Variants in SLC9A8 observed in about 807,000 individuals in gnomAD.
SLC9A8 encodes solute carrier family 9 member A8, also known as sodium/hydrogen exchanger 8.
In SLC9A8, 48 loss-of-function variants were observed where a neutral mutation model predicts 66.6. That is an observed-to-expected ratio of 0.72 (90% confidence interval 0.57 to 0.92). SLC9A8 has a LOEUF of 0.92. SLC9A8 is among the 40% of genes least tolerant of loss of function. The probability of loss-of-function intolerance (pLI) is 0.00; values close to 1 mark genes in which losing one functional copy is unlikely to be tolerated. For synonymous variants in SLC9A8, 274 were observed against 282.6 expected, an observed-to-expected ratio of 0.97 and a Z score of 0.31; for missense variants, 599 against 747.3, an observed-to-expected ratio of 0.80 and a Z score of 2.31.
chr20:49,887,963 C>A lies in SLC9A8; in HGVS notation c.*27C>A, dbSNP rs372030066. On this transcript the variant is annotated 3_prime_UTR_variant, in exon 16 of 16. Coordinates refer to ENST00000361573, the MANE Select transcript of SLC9A8 (RefSeq NM_015266.3). ...GCCAGGTGCCAAGGCTTCAGGCAGGCAGGCCCAGGATGGGCGTTTGCTGCG... is the reference window on the plus strand; with the variant it reads ...GCCAGGTGCCAAGGCTTCAGGCAGGAAGGCCCAGGATGGGCGTTTGCTGCG... 5 of 1,580,756 alleles carry A rather than the reference C, an allele frequency of 3.2e-6. No individual in the cohort carries two copies. The highest frequency in any genetic ancestry group is 4.3e-6 in the Non-Finnish European group (5 of 1,150,592).
chr20:49,833,197 C>A (rs570809521), intron 3 of SLC9A8, among the ~76,000 whole-genome samples: 2 of 152,320 alleles, frequency 1.3e-5, no homozygotes, highest in East Asian at 3.9e-4. Context: ...AGCCGCCATG[C>A]CTAGCGTGTC....
intron 8 of SLC9A8, among the ~76,000 whole-genome samples, chr20:49,860,917 A>C (rs527892): frequency 0.33 from 49,688 of 151,818 alleles, 9,365 homozygotes; most frequent in South Asian, 0.57. Context: ...TCCTCATGGA[A>C]TGAGGCACGA....
chr20:49,813,398 A>G (rs2086431344), intron 1 of SLC9A8, among the ~76,000 whole-genome samples: 1 of 151,948 alleles, frequency 6.6e-6, no homozygotes, highest in Non-Finnish European at 1.5e-5. Flanking sequence ...TTAGCCATCT[A>G]CTCAATTCCA....
intron 4 of SLC9A8, among the ~76,000 whole-genome samples, chr20:49,842,814 G>A (rs1441093510): frequency 6.6e-6 from 1 of 152,322 alleles, no homozygotes; most frequent in Admixed American, 6.5e-5. Flanking sequence ...GAGGCCAGAA[G>A]TGAGAAGTCA....
At chr20:49,821,075 A>C (rs974374410) in intron 2 of SLC9A8, among the ~76,000 whole-genome samples, 1 of 151,954 alleles carries the variant, frequency 6.6e-6, no homozygotes, top group Non-Finnish European at 1.5e-5. Context: ...CTCCCCTTCT[A>C]TGGATTGTCT....
intron 13 of SLC9A8, 66 bp from the exon 14 acceptor site, chr20:49,883,780 G>A (rs2089717718): frequency 1.5e-6 from 2 of 1,373,642 alleles, no homozygotes; most frequent in Non-Finnish European, 2.0e-6. Flanking sequence ...TGGATTTCCA[G>A]GGAAGCCAGC....
intron 4 of SLC9A8, among the ~76,000 whole-genome samples, chr20:49,841,863 G>A (rs2087776015): frequency 6.6e-6 from 1 of 151,850 alleles, no homozygotes; most frequent in African/African-American, 2.4e-5. Flanking sequence ...CCAAAGTGCT[G>A]GGAGTACAGG....
At chr20:49,862,596 C>G (rs1414578052) in intron 8 of SLC9A8, among the ~76,000 whole-genome samples, 1 of 152,094 alleles carries the variant, frequency 6.6e-6, no homozygotes, top group South Asian at 2.1e-4. Context: ...TCCTTGAGCC[C>G]GGCCAGTCTG....
intron 4 of SLC9A8, among the ~76,000 whole-genome samples, chr20:49,844,123 C>T (rs1013668371): frequency 6.6e-6 from 1 of 152,144 alleles, no homozygotes; most frequent in Non-Finnish European, 1.5e-5. Context: ...ATTACCCAGC[C>T]TCAGGTATTC....
At chr20:49,815,529 G>C (rs761228132) in intron 2 of SLC9A8, 8 of 178,186 alleles carry the variant, frequency 4.5e-5, no homozygotes, top group Non-Finnish European at 8.2e-5. Flanking sequence ...TGGATCACTT[G>C]AGGTTAGGAG....
intron 3 of SLC9A8, among the ~76,000 whole-genome samples, chr20:49,835,535 C>T (rs2087495289): frequency 6.6e-6 from 1 of 152,084 alleles, no homozygotes; most frequent in Non-Finnish European, 1.5e-5. Context: ...CTTCTCCCAT[C>T]CCCTGGAAAC....
chr20:49,864,260 C>T (rs977347560), intron 9 of SLC9A8, among the ~76,000 whole-genome samples: 1 of 152,096 alleles, frequency 6.6e-6, no homozygotes, highest in Non-Finnish European at 1.5e-5. Context: ...GTTTGAACAG[C>T]GATTCTCACT....
At chr20:49,862,819 TATGA>T (rs3092598) in intron 8 of SLC9A8, 106 bp from the exon 9 acceptor site, 679,500 of 759,174 alleles carry the variant, frequency 0.9, 305,078 homozygotes, top group African/African-American at 0.94. Flanking sequence ...TGAATGATGG[TATGA>T]ATGAATGAAT....
At position 49,853,302 on chromosome 20, in the gene SLC9A8, TC is replaced by T. The variant is rs150506467; in HGVS notation, c.570-2134del. Among the ~76,000 whole-genome samples the T allele has an allele frequency of 2.5e-3, 375 of 152,214 alleles. 1 individual carries two copies. The highest frequency in any genetic ancestry group is 8.8e-3 in the African/African-American group (365 of 41,522). On this transcript the variant is annotated intron_variant, in intron 7 of 15. Coordinates refer to ENST00000361573, the MANE Select transcript of SLC9A8 (RefSeq NM_015266.3). ...CGGACTACAGGTATGCGGCACCACTTCCGGCTAATTTTTGTGTGTGTAGAGA... is the reference window on the plus strand; with the variant it reads ...CGGACTACAGGTATGCGGCACCACTTCGGCTAATTTTTGTGTGTGTAGAGA...
At chr20:49,870,629 A>G (rs942937263) in intron 10 of SLC9A8, among the ~76,000 whole-genome samples, 4 of 152,164 alleles carry the variant, frequency 2.6e-5, no homozygotes, top group Non-Finnish European at 5.9e-5. Flanking sequence ...GAAGCCCTTG[A>G]AAAAAAATCA....
At chr20:49,860,493 GA>G (rs1409797422) in intron 8 of SLC9A8, among the ~76,000 whole-genome samples, 1 of 152,058 alleles carries the variant, frequency 6.6e-6, no homozygotes, top group African/African-American at 2.4e-5. Flanking sequence ...AAGGCAGGTG[GA>G]TCACTTGAGG....
intron 3 of SLC9A8, among the ~76,000 whole-genome samples, chr20:49,837,983 A>G (rs1331760952): frequency 6.6e-6 from 1 of 152,154 alleles, no homozygotes; most frequent in Non-Finnish European, 1.5e-5. Context: ...CAAAATAGCA[A>G]GTAGTAGGAT....
At chr20:49,857,058 T>C (rs192903702) in intron 8 of SLC9A8, among the ~76,000 whole-genome samples, 9 of 152,296 alleles carry the variant, frequency 5.9e-5, no homozygotes, top group South Asian at 2.1e-4. Flanking sequence ...TTTATGGTGG[T>C]CATTAACAGG....
intron 3 of SLC9A8, among the ~76,000 whole-genome samples, chr20:49,825,248 T>C (rs554985283): frequency 6.6e-6 from 1 of 152,334 alleles, no homozygotes; most frequent in South Asian, 2.1e-4. Flanking sequence ...CAACATCTAT[T>C]GTTTAAGCCA....
Sources: allele counts gnomAD v4.1 joint callset (sites outside exome capture counted in the v4.1 genomes callset), GRCh38; gene constraint gnomAD v4.1.1; transcripts MANE v1.5; gene names NCBI Gene and HGNC (gene_info 2026-07-23, HGNC 2026-07-21).